SOX5: variants seen among roughly 807,000 people sequenced by gnomAD.
The protein encoded by SOX5 is SRY-box transcription factor 5, also known as transcription factor SOX-5.
In SOX5, 9 loss-of-function variants were observed where a neutral mutation model predicts 92.0. That is an observed-to-expected ratio of 0.10 (90% CI 0.06 to 0.17). The LOEUF is 0.17. Among genes scored for constraint, SOX5 ranks in the 10% least tolerant of loss-of-function variants. SOX5 has a pLI of 1.00. For synonymous variants in SOX5, 344 were observed against 336.3 expected, an observed-to-expected ratio of 1.02 and a Z score of -0.25; for missense variants, 642 against 944.5, an observed-to-expected ratio of 0.68 and a Z score of 4.20.
intron 2 of SOX5, among the ~76,000 whole-genome samples, chr12:23,860,119 GAAAC>G (rs1302366470): frequency 6.6e-6 from 1 of 152,058 alleles, no homozygotes; most frequent in East Asian, 1.9e-4. Context: ...CACAGAGAAA[GAAAC>G]AACAGACACT....
intron 2 of SOX5, among the ~76,000 whole-genome samples, chr12:24,304,397 A>C (rs1948336997): frequency 6.6e-6 from 1 of 152,224 alleles, no homozygotes; most frequent in African/African-American, 2.4e-5. Context: ...CTATGTTAGA[A>C]AAAGAGGAAA....
intron 4 of SOX5, among the ~76,000 whole-genome samples, chr12:24,044,560 C>T (rs1334045232): frequency 1.3e-5 from 2 of 152,162 alleles, no homozygotes; most frequent in Non-Finnish European, 2.9e-5. Flanking sequence ...AAGAATGTTT[C>T]CATCTCCACA....
chr12:23,761,602 T>C (rs550251701), intron 3 of SOX5, among the ~76,000 whole-genome samples: 1 of 152,248 alleles, frequency 6.6e-6, no homozygotes, highest in Admixed American at 6.5e-5. Flanking sequence ...CAAACCTATA[T>C]AAAGGCAGAA....
intron 4 of SOX5, among the ~76,000 whole-genome samples, chr12:23,961,147 CTGTTAGAATGACCAAAA>C (rs1454530110): frequency 6.6e-6 from 1 of 152,002 alleles, no homozygotes; most frequent in Non-Finnish European, 1.5e-5. Flanking sequence ...ATTATTTCAC[CTGTTAGAATGACCAAAA>C]TTCTCATTTC....
At chr12:23,922,642 T>C (rs1269212474) in intron 1 of SOX5, among the ~76,000 whole-genome samples, 1 of 152,250 alleles carries the variant, frequency 6.6e-6, no homozygotes, top group African/African-American at 2.4e-5. Flanking sequence ...ATGGTTTCCA[T>C]AACATTTATA....
upstream of SOX5, chr12:24,562,634 T>G (rs1288985281): frequency 6.6e-6 from 1 of 150,640 alleles, no homozygotes; most frequent in Non-Finnish European, 1.5e-5. Flanking sequence ...ACAATGCGAG[T>G]GCAAATAACA....
intron 1 of SOX5, among the ~76,000 whole-genome samples, chr12:24,378,929 G>T (rs1376249973): frequency 6.6e-6 from 1 of 152,116 alleles, no homozygotes; most frequent in Non-Finnish European, 1.5e-5. Flanking sequence ...TACCTTTGAC[G>T]CATTTCTCCC....
intron 14 of SOX5, among the ~76,000 whole-genome samples, chr12:23,534,962 G>C (rs1367278578): frequency 1.3e-5 from 2 of 151,864 alleles, no homozygotes; most frequent in Non-Finnish European, 2.9e-5. Context: ...CACCTGCCTC[G>C]GCCTCCCAAA....
At chr12:24,086,346 G>A (rs1383143666) in intron 4 of SOX5, among the ~76,000 whole-genome samples, 1 of 151,810 alleles carries the variant, frequency 6.6e-6, no homozygotes, top group African/African-American at 2.4e-5. Flanking sequence ...ATCAACTCAG[G>A]ACACAATGCT....
At chr12:23,878,141 G>A (rs2096949122) in intron 2 of SOX5, among the ~76,000 whole-genome samples, 1 of 151,964 alleles carries the variant, frequency 6.6e-6, no homozygotes, top group Non-Finnish European at 1.5e-5. Context: ...TTTAAAGCAT[G>A]TAATTAATTT....
intron 4 of SOX5, among the ~76,000 whole-genome samples, chr12:24,210,666 T>A (rs60285888): frequency 6.6e-6 from 1 of 152,208 alleles, no homozygotes; most frequent in Non-Finnish European, 1.5e-5. Flanking sequence ...AAGGTCCCTA[T>A]TATAAAACAA....
intron 4 of SOX5, among the ~76,000 whole-genome samples, chr12:24,144,956 A>T (rs941927957): frequency 2.0e-5 from 3 of 152,100 alleles, no homozygotes; most frequent in African/African-American, 4.8e-5. Context: ...TTAGCCAGAC[A>T]TGGTGTGCAC....
intron 6 of SOX5, among the ~76,000 whole-genome samples, chr12:23,719,578 C>A (rs1055708956): frequency 2.0e-5 from 3 of 151,750 alleles, no homozygotes; most frequent in Admixed American, 6.6e-5. Flanking sequence ...AGGGTCCCCC[C>A]ATCTCTACAA....
At position 24,493,218 on chromosome 12, in the gene SOX5, C is replaced by T. The variant is rs550120942; in HGVS notation, c.-251+69111G>A. Among the ~76,000 whole-genome samples the T allele has an allele frequency of 2.5e-3, 373 of 152,110 alleles. 3 individuals carry two copies. The highest frequency in any genetic ancestry group is 6.8e-3 in the Middle Eastern group (2 of 294). ...AGTCTCTTACCAGTTTTTTCTACTG[C>T]GCAAATTTGAAATCGCTGGTTAAAA... is the stretch of plus-strand genomic sequence containing the variant. On this transcript the variant is annotated intron_variant, in intron 1 of 4. Coordinates refer to the SOX5 transcript ENST00000446891.
chr12:24,406,209 C>T (rs867826933), intron 1 of SOX5, among the ~76,000 whole-genome samples: 34 of 152,104 alleles, frequency 2.2e-4, no homozygotes, highest in Non-Finnish European at 3.4e-4. Flanking sequence ...GGATCAACGG[C>T]GGTATTCACA....
At chr12:24,169,399 T>C (rs970665360) in intron 4 of SOX5, among the ~76,000 whole-genome samples, 7 of 152,230 alleles carry the variant, frequency 4.6e-5, no homozygotes, top group Admixed American at 4.6e-4. Context: ...GACTCTGAGC[T>C]ATGTCTTCAA....
chr12:24,127,754 A>T (rs920729321), intron 4 of SOX5, among the ~76,000 whole-genome samples: 7 of 152,136 alleles, frequency 4.6e-5, no homozygotes, highest in Non-Finnish European at 8.8e-5. Context: ...CTTCCACCCC[A>T]ATACCACCTC....
intron 4 of SOX5, among the ~76,000 whole-genome samples, chr12:23,987,444 C>T (rs1950159573): frequency 6.6e-6 from 1 of 152,130 alleles, no homozygotes; most frequent in Admixed American, 6.6e-5. Context: ...GGAGCTGGAG[C>T]ATAGTAGGGT....
chr12:24,184,349 A>G (rs1565609291), intron 4 of SOX5, among the ~76,000 whole-genome samples: 1 of 152,212 alleles, frequency 6.6e-6, no homozygotes, highest in Admixed American at 6.5e-5. Flanking sequence ...TGATAGAATC[A>G]CTATTCAAAA....
Sources: gnomAD v4.1 joint callset for allele counts (sites outside exome capture counted in the v4.1 genomes callset) on GRCh38, gnomAD v4.1.1 for gene constraint, MANE v1.5 for transcripts, NCBI Gene and HGNC (gene_info 2026-07-23, HGNC 2026-07-21) for gene names.